HECW2: variants seen among roughly 807,000 people sequenced by gnomAD.
HECW2 encodes the protein E3 ubiquitin-protein ligase HECW2.
A neutral mutation model predicts 175.2 loss-of-function variants in HECW2; 61 were observed. The ratio of observed to expected loss-of-function variants is 0.35; its 90% CI spans 0.28 to 0.43. The LOEUF (loss-of-function observed/expected upper bound fraction) is 0.43. Among genes scored for constraint, HECW2 ranks in the 20% least tolerant of loss-of-function variants. HECW2 has a pLI of 1.00. For synonymous variants in HECW2, 671 were observed against 731.0 expected, an observed-to-expected ratio of 0.92 and a Z score of 1.32; for missense variants, 1,524 against 2,000.5, an observed-to-expected ratio of 0.76 and a Z score of 4.54.
At chr2:196,553,499 C>G (rs1265648512) in intron 1 of HECW2, among the ~76,000 whole-genome samples, 1 of 152,188 alleles carries the variant, frequency 6.6e-6, no homozygotes, top group Non-Finnish European at 1.5e-5. Flanking sequence ...AGATAATAAG[C>G]AAGTAAGCAG....
At chr2:196,257,946 AC>A in intron 17 of HECW2, 40 bp from the exon 18 acceptor site, 7 of 1,422,934 alleles carry the variant, frequency 4.9e-6, no homozygotes, top group Non-Finnish European at 6.9e-6. Context: ...TATATGGTAG[AC>A]CTTTAGGCTA....
intron 17 of HECW2, among the ~76,000 whole-genome samples, chr2:196,267,475 G>A (rs1482150458): frequency 6.6e-6 from 1 of 152,006 alleles, no homozygotes; most frequent in Non-Finnish European, 1.5e-5. Context: ...TACAGATGTG[G>A]TACTGACGTT....
At chr2:196,395,450 C>T (rs759906158) in intron 2 of HECW2, among the ~76,000 whole-genome samples, 1 of 151,534 alleles carries the variant, frequency 6.6e-6, no homozygotes, top group Non-Finnish European at 1.5e-5. Flanking sequence ...AAAATATTTG[C>T]AAATCATGTA....
intron 13 of HECW2, 35 bp downstream of exon 13, chr2:196,306,453 G>T (rs780484042): frequency 1.3e-6 from 2 of 1,576,046 alleles, no homozygotes; most frequent in Admixed American, 3.7e-5. Flanking sequence ...TTGGCCTGCT[G>T]TTTTCCTTCA....
At chr2:196,415,481 T>A (rs557642130) in intron 2 of HECW2, among the ~76,000 whole-genome samples, 2 of 152,320 alleles carry the variant, frequency 1.3e-5, no homozygotes, top group African/African-American at 2.4e-5. Flanking sequence ...AGGGGTATGC[T>A]GGGACACTGG....
chr2:196,412,682 T>C (rs1402094554), intron 2 of HECW2, among the ~76,000 whole-genome samples: 1 of 152,272 alleles, frequency 6.6e-6, no homozygotes, highest in African/African-American at 2.4e-5. Context: ...TGCCACATCT[T>C]GATGCTACTA....
intron 3 of HECW2, among the ~76,000 whole-genome samples, chr2:196,338,012 T>A (rs1692615655): frequency 6.6e-6 from 1 of 152,224 alleles, no homozygotes; most frequent in Non-Finnish European, 1.5e-5. Flanking sequence ...GCCCCATTAT[T>A]TTCAAATTTT....
At chr2:196,342,597 A>G (rs1692797853) in intron 3 of HECW2, among the ~76,000 whole-genome samples, 1 of 152,158 alleles carries the variant, frequency 6.6e-6, no homozygotes, top group African/African-American at 2.4e-5. Flanking sequence ...AAAAAGGGAC[A>G]AGATATTTTT....
intron 2 of HECW2, among the ~76,000 whole-genome samples, chr2:196,392,376 G>C (rs1271752545): frequency 1.3e-5 from 2 of 152,016 alleles, no homozygotes; most frequent in Non-Finnish European, 2.9e-5. Flanking sequence ...TTCGGTGCCA[G>C]GGCTGTGTAA....
intron 2 of HECW2, among the ~76,000 whole-genome samples, chr2:196,422,355 C>A (rs142610952): frequency 1.2e-3 from 181 of 152,212 alleles, no homozygotes; most frequent in Non-Finnish European, 2.1e-3. Context: ...ACAATGAGCT[C>A]TGAGCCGAAG....
At chr2:196,493,142 G>A (rs112218745) in intron 1 of HECW2, 12,518 of 152,218 alleles carry the variant, frequency 0.082, 672 homozygotes, top group African/African-American at 0.15. Context: ...GCTGAGGTGG[G>A]AGAATCTCTT....
chr2:196,405,055 T>C (rs890395764), intron 2 of HECW2, among the ~76,000 whole-genome samples: 1 of 150,870 alleles, frequency 6.6e-6, no homozygotes, highest in African/African-American at 2.4e-5. Flanking sequence ...ATGGTCTCAA[T>C]CTCCTGACCT....
At position 196,522,118 on chromosome 2, in the gene HECW2, A is replaced by G. The variant is rs1485576581; in HGVS notation, c.-36+71390T>C. 3.9e-5 allele frequency among the ~76,000 whole-genome samples: 6 copies of G among 152,170 alleles called. No individual in the cohort carries two copies. In the East Asian group the frequency reaches 1.2e-3, roughly 29 times the overall value. ...CCACCAACAGTGTAAAAGTGTTCCT[A>G]TTTCTCCACATCCTCTCCAGCATCT... On this transcript the variant is annotated intron_variant, in intron 1 of 28. Transcript: ENST00000644978.
At chr2:196,338,378 G>C (rs1692629254) in intron 3 of HECW2, among the ~76,000 whole-genome samples, 3 of 152,152 alleles carry the variant, frequency 2.0e-5, no homozygotes. Context: ...CTGGCAATTG[G>C]ACATGAAGCT....
intron 1 of HECW2, among the ~76,000 whole-genome samples, chr2:196,520,800 G>A (rs1288873902): frequency 6.6e-6 from 1 of 152,184 alleles, no homozygotes; most frequent in Non-Finnish European, 1.5e-5. Flanking sequence ...AAACAGGTAG[G>A]TCAGAGGGGA....
intron 9 of HECW2, among the ~76,000 whole-genome samples, chr2:196,317,836 A>C (rs1027609359): frequency 6.6e-6 from 1 of 152,198 alleles, no homozygotes; most frequent in African/African-American, 2.4e-5. Context: ...GCATCCTTAC[A>C]GGGCATATTA....
intron 1 of HECW2, among the ~76,000 whole-genome samples, chr2:196,523,974 A>G (rs1372669525): frequency 1.3e-5 from 2 of 151,916 alleles, no homozygotes; most frequent in Non-Finnish European, 2.9e-5. Flanking sequence ...TTGGTATCAG[A>G]ATGATGCTGG....
intron 1 of HECW2, among the ~76,000 whole-genome samples, chr2:196,533,288 C>T (rs187637066): frequency 2.4e-4 from 37 of 152,292 alleles, no homozygotes; most frequent in Admixed American, 1.7e-3. Context: ...ATGTTGATTA[C>T]GAATTAGCAA....
chr2:196,263,430 C>T (rs1689387564), intron 17 of HECW2: 1 of 152,242 alleles, frequency 6.6e-6, no homozygotes, highest in Non-Finnish European at 1.5e-5. Flanking sequence ...AGCAGCAATG[C>T]TCAAAACCAC....
Sources: allele counts gnomAD v4.1 joint callset (sites outside exome capture counted in the v4.1 genomes callset), GRCh38; gene constraint gnomAD v4.1.1; transcripts MANE v1.5; gene names NCBI Gene and HGNC (gene_info 2026-07-23, HGNC 2026-07-21).